The following GNL3L variants were observed in gnomAD, a reference collection of about 807,000 sequenced individuals.
GNL3L encodes guanine nucleotide-binding protein-like 3-like protein.
A neutral mutation model predicts 42.9 loss-of-function variants in GNL3L; 4 were observed. That is an observed-to-expected ratio of 0.09 (90% CI 0.05 to 0.21). The LOEUF is 0.21. GNL3L is among the 10% of genes least tolerant of loss of function. The pLI is 1.00. For missense variants in GNL3L, 412 were observed against 481.7 expected, an observed-to-expected ratio of 0.86 and a Z score of 1.36; for synonymous variants, 159 against 176.3, an observed-to-expected ratio of 0.90 and a Z score of 0.78.
intron 16 of GNL3L, among the ~76,000 whole-genome samples, chrX:54,576,471 A>G (rs780198610): frequency 9.0e-6 from 1 of 111,135 alleles, no homozygotes; most frequent in African/African-American, 3.3e-5. Flanking sequence ...GGAATATTTA[A>G]CTTATTTATA....
At chrX:54,572,987 TGGC>T (rs1925578450) in intron 16 of GNL3L, among the ~76,000 whole-genome samples, 1 of 104,009 alleles carries the variant, frequency 9.6e-6, no homozygotes, top group African/African-American at 3.6e-5. Context: ...CTAGATGTGA[TGGC>T]GGCCGGGAAG....
At chrX:54,573,854 C>CT (rs59536536) in intron 16 of GNL3L, among the ~76,000 whole-genome samples, 159 of 91,757 alleles carry the variant, frequency 1.7e-3, no homozygotes, top group Middle Eastern at 5.9e-3. Context: ...TATTTTTCTG[C>CT]TTTTTTTTTT....
At chrX:54,618,747 A>C (rs555182173) in intron 16 of GNL3L, among the ~76,000 whole-genome samples, 1 of 110,982 alleles carries the variant, frequency 9.0e-6, no homozygotes, top group Admixed American at 9.6e-5. Context: ...AATTTAAAAA[A>C]ATTGCCAAAC....
At chrX:54,570,407 CCTTTTA>C (rs771016191), downstream of GNL3L, among the ~76,000 whole-genome samples, 8 of 111,678 alleles carry the variant, frequency 7.2e-5, no homozygotes, top group African/African-American at 2.3e-4. Flanking sequence ...TCTTTTTCAT[CCTTTTA>C]CTTTTTATGT....
At chrX:54,542,149 A>C (rs1924640969) in intron 5 of GNL3L, among the ~76,000 whole-genome samples, 1 of 111,979 alleles carries the variant, frequency 8.9e-6, no homozygotes, top group Admixed American at 9.5e-5. Flanking sequence ...CACAACGTGC[A>C]GGTTTGTTAC....
rs1272177817 is a variant in GNL3L at position 54,563,792 on chromosome X, A to T, written c.*3190A>T. 9.0e-6 allele frequency among the ~76,000 whole-genome samples: 1 copy of T among 111,049 alleles called. No homozygotes were observed. Among genetic ancestry groups the T allele is most frequent in the Non-Finnish European group, 1.9e-5 (1 of 53,048 alleles). ...CAGAGTGAGACTGTCTCAGGGGGAA[A>T]AAAAAAGAGGAAAACAAAAAAGACG... On this transcript the variant is annotated 3_prime_UTR_variant, in exon 16 of 16. Coordinates refer to ENST00000360845, the MANE Select transcript of GNL3L (RefSeq NM_001184819.2).
intron 16 of GNL3L, among the ~76,000 whole-genome samples, chrX:54,597,576 C>G (rs553117485): frequency 2.7e-5 from 3 of 111,072 alleles, no homozygotes; most frequent in South Asian, 7.6e-4. Flanking sequence ...TGTGCCCCCC[C>G]GCCCCAATCC....
chrX:54,630,849 C>G, the GNL3L span, among the ~76,000 whole-genome samples: 1 of 103,452 alleles, frequency 9.7e-6, no homozygotes, highest in Non-Finnish European at 2.0e-5. Context: ...ACTTTGTCAC[C>G]CAGGCTGGAG....
chrX:54,540,479 C>T (rs1924576980), intron 4 of GNL3L, among the ~76,000 whole-genome samples: 1 of 112,004 alleles, frequency 8.9e-6, no homozygotes, highest in East Asian at 2.8e-4. Context: ...CTGCTGGCCT[C>T]ATCAGCGCCT....
intron 2 of GNL3L, among the ~76,000 whole-genome samples, chrX:54,536,871 A>G (rs976990374): frequency 2.5e-4 from 28 of 109,962 alleles, no homozygotes; most frequent in Admixed American, 2.1e-3. Flanking sequence ...AAGGAAAGAA[A>G]GAAAGGCAAG....
chrX:54,634,779 GC>G, the GNL3L span, among the ~76,000 whole-genome samples: 2 of 91,723 alleles, frequency 2.2e-5, no homozygotes, highest in African/African-American at 8.4e-5. Context: ...GAACCACTGC[GC>G]CCGGCTCTTT....
At chrX:54,601,325 G>T (rs1298248481) in intron 16 of GNL3L, among the ~76,000 whole-genome samples, 3 of 111,668 alleles carry the variant, frequency 2.7e-5, no homozygotes, top group Non-Finnish European at 5.6e-5. Flanking sequence ...CCATTAATGT[G>T]TGTACTTTAA....
chrX:54,617,279 C>G (rs778320542), intron 16 of GNL3L, among the ~76,000 whole-genome samples: 42 of 112,033 alleles, frequency 3.7e-4, no homozygotes, highest in African/African-American at 1.2e-3. Context: ...ATCCCTTTGG[C>G]TACTTCCCCA....
chrX:54,545,112 C>T (rs1052517286), intron 8 of GNL3L, among the ~76,000 whole-genome samples: 7 of 111,235 alleles, frequency 6.3e-5, no homozygotes, highest in Middle Eastern at 4.3e-3. Context: ...CACGGGGTTT[C>T]GCCGTGTTGG....
chrX:54,542,960 A>G lies in GNL3L; in HGVS notation c.312A>G (p.Glu104=), dbSNP rs1261528962. 8.6e-7 allele frequency: 1 copy of G among 1,169,366 alleles called. No individual in the cohort carries two copies. Among genetic ancestry groups the G allele is most frequent in the Admixed American group, 2.2e-5 (1 of 45,739 alleles). ...RRQEEFEHKE[E]VLQELNMFPQ... ...TCTTTTTTTTTCTCCTTTAGGAGGA[A>G]GTTTTGCAGGAATTAAATATGTTTC... is the stretch of plus-strand genomic sequence containing the variant. The change falls in exon 6 of 16, where the codon GAA becomes GAG. Residue 104 remains glutamate, a synonymous_variant. Transcript: ENST00000360845.
intron 16 of GNL3L, among the ~76,000 whole-genome samples, chrX:54,610,585 T>C (rs904738835): frequency 2.7e-5 from 3 of 111,931 alleles, no homozygotes; most frequent in African/African-American, 9.7e-5. Context: ...TTGAATGCTT[T>C]TTCTGCATCT....
In GNL3L at chrX:54,547,576, A is replaced by C. The variant is rs751892821; in HGVS notation, c.631-653A>C. Reference sequence around the variant, plus strand: ...AAAAGTTAGCCGGGTGTGGTGGTGCATGCCTGTAGTCCCAGCTACTTGGGA... The same window carrying C: ...AAAAGTTAGCCGGGTGTGGTGGTGCCTGCCTGTAGTCCCAGCTACTTGGGA... On this transcript the variant is annotated intron_variant, in intron 8 of 15. Coordinates refer to ENST00000360845, the MANE Select transcript of GNL3L (RefSeq NM_001184819.2). Among the ~76,000 whole-genome samples the C allele has an allele frequency of 6.5e-4, 72 of 110,926 alleles. No individual in the cohort carries two copies. In the South Asian group the frequency reaches 0.028, roughly 43 times the overall value.
chrX:54,631,517 T>G, the GNL3L span, among the ~76,000 whole-genome samples: 2 of 111,953 alleles, frequency 1.8e-5, no homozygotes, highest in Non-Finnish European at 3.8e-5. Flanking sequence ...CATTATGTAA[T>G]GTCCCTCTTT....
intron 16 of GNL3L, among the ~76,000 whole-genome samples, chrX:54,596,774 CCTT>C (rs1417599920): frequency 4.5e-5 from 5 of 111,861 alleles, no homozygotes; most frequent in Admixed American, 9.4e-5. Context: ...GAGACACAGT[CCTT>C]CTCACTCTTC....
Sources: gnomAD v4.1 joint callset for allele counts (sites outside exome capture counted in the v4.1 genomes callset) on GRCh38, gnomAD v4.1.1 for gene constraint, MANE v1.5 for transcripts, NCBI Gene and HGNC (gene_info 2026-07-23, HGNC 2026-07-21) for gene names.